The following RPS20 variants were observed in gnomAD, a reference collection of about 807,000 sequenced individuals.
The protein encoded by RPS20 is ribosomal protein S20.
Under a neutral mutation model 15.3 loss-of-function variants are expected in RPS20, and 3 were observed. The ratio of observed to expected loss-of-function variants is 0.20; its 90% CI spans 0.09 to 0.51. The LOEUF (loss-of-function observed/expected upper bound fraction) is 0.51, where lower values mean the gene tolerates loss of function less well. Ranked by LOEUF, RPS20 falls within the 20% of genes least tolerant of loss-of-function variation. The pLI is 0.96. For missense variants in RPS20, 67 were observed against 145.9 expected, an observed-to-expected ratio of 0.46 and a Z score of 2.79; for synonymous variants, 62 against 47.8, an observed-to-expected ratio of 1.30 and a Z score of -1.23.
chr8:56,069,733 T>C (rs1802300002), downstream of RPS20: 3 of 1,551,586 alleles, frequency 1.9e-6, no homozygotes, highest in Non-Finnish European at 8.7e-7. Flanking sequence ...CGGAGGAGAA[T>C]GCAGTTAAAA....
chr8:56,071,528 G>A (rs1249282599), downstream of RPS20, among the ~76,000 whole-genome samples: 1 of 152,214 alleles, frequency 6.6e-6, no homozygotes, highest in Non-Finnish European at 1.5e-5. Context: ...AGACTCAGAA[G>A]GAATTGGATG....
At chr8:56,069,349 C>T (rs1422214741), downstream of RPS20, among the ~76,000 whole-genome samples, 1 of 152,036 alleles carries the variant, frequency 6.6e-6, no homozygotes, top group Admixed American at 6.6e-5. Context: ...GCACTCAATC[C>T]ACTATACTCG....
downstream of RPS20, among the ~76,000 whole-genome samples, chr8:56,071,342 T>C (rs1809750516): frequency 6.6e-6 from 1 of 152,240 alleles, no homozygotes; most frequent in Non-Finnish European, 1.5e-5. Context: ...TAGGTATTTG[T>C]CTGGGGGCCA....
chr8:56,069,045 GGTGA>G (rs10590963), downstream of RPS20, among the ~76,000 whole-genome samples: 6,157 of 150,596 alleles, frequency 0.041, 418 homozygotes, highest in African/African-American at 0.14. Flanking sequence ...TGATCCATGG[GGTGA>G]GTTCTTTTTA....
downstream of RPS20, chr8:56,072,692 G>A (rs766640816): frequency 3.5e-5 from 6 of 169,184 alleles, no homozygotes; most frequent in African/African-American, 1.1e-4. Context: ...CCTTTTTTAA[G>A]GACGTTAAAC....
downstream of RPS20, among the ~76,000 whole-genome samples, chr8:56,068,805 ATCTT>A (rs1809678032): frequency 2.4e-5 from 1 of 41,528 alleles, no homozygotes; most frequent in Non-Finnish European, 5.1e-5. Flanking sequence ...TGGTGAAAAT[ATCTT>A]TTTTTTTTTT....
chr8:56,071,511 C>A (rs1425310696), downstream of RPS20, among the ~76,000 whole-genome samples: 2 of 152,168 alleles, frequency 1.3e-5, no homozygotes, highest in Non-Finnish European at 1.5e-5. Flanking sequence ...GTCTTGAGAT[C>A]TGAAGTAGAC....
rs1809879772 is a variant in RPS20 at position 56,074,492 on chromosome 8, G to A, written c.-109C>T. ...AAAAATCCTCAGCCCTTACGACCGCGTCTTCCTCAAAAAGAAAGGGGTGGG... is the reference window on the plus strand; with the variant it reads ...AAAAATCCTCAGCCCTTACGACCGCATCTTCCTCAAAAAGAAAGGGGTGGG... On this transcript the variant is annotated 5_prime_UTR_variant, in exon 1 of 4. The change creates a new upstream start codon in the 5' untranslated region. Coordinates refer to ENST00000009589, the MANE Select transcript of RPS20 (RefSeq NM_001023.4). The A allele has an allele frequency of 1.0e-5, 13 of 1,243,906 alleles. No homozygotes were observed. The highest frequency in any genetic ancestry group is 6.8e-5 in the South Asian group (5 of 74,048). 77.1% of individuals were successfully genotyped at this position (1,243,906 alleles called of 1,614,324 possible). A position where few individuals can be genotyped will look rare whatever the true frequency, so the allele number is the denominator to read the frequency against.
intron 3 of RPS20, 171 bp downstream of exon 3, chr8:56,073,524 C>T: frequency 1.5e-6 from 1 of 660,038 alleles, no homozygotes. Flanking sequence ...ATTCAACAAT[C>T]ATATCTAAAC....
At chr8:56,068,718 G>A (rs1809674263), downstream of RPS20, among the ~76,000 whole-genome samples, 1 of 147,250 alleles carries the variant, frequency 6.8e-6, no homozygotes, top group Non-Finnish European at 1.5e-5. Context: ...ACTCCTGGGA[G>A]GAATACAAAT....
At chr8:56,068,705 C>G (rs571116066), downstream of RPS20, among the ~76,000 whole-genome samples, 7 of 148,016 alleles carry the variant, frequency 4.7e-5, no homozygotes, top group South Asian at 1.3e-3. Context: ...TGATATTGTA[C>G]TGACTCCTGG....
chr8:56,073,493 A>G (rs149950318), intron 3 of RPS20: 7 of 642,204 alleles, frequency 1.1e-5, no homozygotes, highest in African/African-American at 9.1e-5. Context: ...ACCAAAGCAC[A>G]CCAAGAACAC....
At chr8:56,072,558 C>CGAAA (rs1554524460), downstream of RPS20, among the ~76,000 whole-genome samples, 3 of 138,916 alleles carry the variant, frequency 2.2e-5, no homozygotes, top group Admixed American at 7.2e-5. Context: ...TCCCCCCCCC[C>CGAAA]AAAAAAAAAA....
chr8:56,072,729 TA>T, downstream of RPS20: 2 of 252,762 alleles, frequency 7.9e-6, no homozygotes, highest in Non-Finnish European at 1.2e-5. Context: ...TATTAGTTAC[TA>T]GCTTTTTAAC....
chr8:56,073,446 G>A, intron 3 of RPS20, 174 bp from the exon 4 acceptor site: 1 of 641,112 alleles, frequency 1.6e-6, no homozygotes, highest in Non-Finnish European at 2.7e-6. Context: ...TTTTCACTGT[G>A]CTAGGACACC....
chr8:56,073,008 T>C (rs917171934), downstream of RPS20: 1 of 1,540,126 alleles, frequency 6.5e-7, no homozygotes, highest in Non-Finnish European at 8.7e-7. Flanking sequence ...AGTACACCTT[T>C]ATATTCCTAA....
chr8:56,073,891 C>A (rs1434966551), intron 2 of RPS20, 123 bp from the exon 3 acceptor site: 7 of 1,093,214 alleles, frequency 6.4e-6, no homozygotes, highest in African/African-American at 1.5e-5. Flanking sequence ...ATAGGTACCT[C>A]CTCATCGCCA....
At chr8:56,071,655 C>G (rs1809758955), downstream of RPS20, among the ~76,000 whole-genome samples, 2 of 152,210 alleles carry the variant, frequency 1.3e-5, no homozygotes, top group Non-Finnish European at 2.9e-5. Context: ...GGGAAGATTT[C>G]ATTTTAGACA....
chr8:56,070,256 T>C (rs1486052649), downstream of RPS20, among the ~76,000 whole-genome samples: 2 of 152,164 alleles, frequency 1.3e-5, no homozygotes, highest in African/African-American at 4.8e-5. Context: ...TAGATACTAT[T>C]AGTATCCTCA....
Sources: allele counts gnomAD v4.1 joint callset (sites outside exome capture counted in the v4.1 genomes callset), GRCh38; gene constraint gnomAD v4.1.1; transcripts MANE v1.5; gene names NCBI Gene and HGNC (gene_info 2026-07-23, HGNC 2026-07-21).